The following FHIP1B variants were observed in gnomAD, a reference collection of about 807,000 sequenced individuals.
FHIP1B encodes FHF complex subunit HOOK interacting protein 1B.
In FHIP1B, 28 loss-of-function variants were observed where a neutral mutation model predicts 82.2. That is an observed-to-expected ratio of 0.34 (90% CI 0.25 to 0.47). FHIP1B has a LOEUF of 0.47. Among genes scored for constraint, FHIP1B ranks in the 20% least tolerant of loss-of-function variants. The pLI, the probability that FHIP1B is intolerant of heterozygous loss-of-function variation, is 1.00. For synonymous variants in FHIP1B, 585 were observed against 516.1 expected (o/e 1.13, Z -1.81); for missense variants, 1,110 against 1,262.6 (o/e 0.88, Z 1.83).
At chr11:6,214,970 C>G (rs955132346) in intron 9 of FHIP1B, 59 bp from the exon 10 acceptor site, 1 of 1,423,334 alleles carries the variant, frequency 7.0e-7, no homozygotes, top group Admixed American at 2.6e-5. Context: ...GCACATCGCA[C>G]GCATTCCTCC....
intron 9 of FHIP1B, chr11:6,215,143 C>A (rs1403054960): frequency 5.0e-6 from 2 of 402,998 alleles, no homozygotes; most frequent in Non-Finnish European, 8.8e-6. Flanking sequence ...AGCTGACAAG[C>A]CAGATCTTAG....
chr11:6,223,011 A>T lies in FHIP1B; in HGVS notation c.936+69T>A. On this transcript the variant is annotated intron_variant, in intron 4 of 11. Coordinates refer to ENST00000449352, the MANE Select transcript of FHIP1B (RefSeq NM_001098794.2). The surrounding 1 kb of genome is among the most constrained non-coding windows in gnomAD (Gnocchi z 4.8). ...ACTTCCAAGATGGAAAAATGACAGA[A>T]CTCCAGGGAATATACCCCCTCCTAC... The T allele has an allele frequency of 6.3e-7, 1 of 1,578,324 alleles. No individual in the cohort carries two copies.
At position 6,224,465 on chromosome 11, in the gene FHIP1B, G is replaced by T. The variant is rs548925901; in HGVS notation, c.52C>A (p.Arg18Ser). 2 of 1,614,126 alleles carry T rather than the reference G, an allele frequency of 1.2e-6. No homozygotes were observed. Among genetic ancestry groups the T allele is most frequent in the African/African-American group, 1.3e-5 (1 of 75,040 alleles). Residue 18 changes from arginine to serine, a missense_variant, in exon 2 of 12, where the codon CGT becomes AGT. This residue lies in a region of FHIP1B where 467 missense variants were observed against 602.9 expected (regional missense o/e 0.77). Coordinates refer to ENST00000449352, the MANE Select transcript of FHIP1B (RefSeq NM_001098794.2). ...TGGAGATTGGCCCCTTGAGGTATAC[G>T]GTGCCCAGGGCCCCGGGAGGCCAGT... ...SRLASRGPGHRIPQGANLQTP... is the reference protein window; with the variant it reads ...SRLASRGPGHSIPQGANLQTP...
intron 1 of FHIP1B, among the ~76,000 whole-genome samples, chr11:6,229,966 T>C (rs1394706901): frequency 2.3e-5 from 3 of 129,930 alleles, no homozygotes; most frequent in African/African-American, 6.0e-5. Context: ...TTTCCTCCCA[T>C]AGCAAAGTCC....
chr11:6,217,141 G>A (rs1452392645), intron 9 of FHIP1B: 21 of 703,648 alleles, frequency 3.0e-5, no homozygotes, highest in Non-Finnish European at 5.4e-5. Context: ...TACATACAAG[G>A]CTCAGATGTA....
chr11:6,221,931 A>G (rs1847419064), intron 6 of FHIP1B, among the ~76,000 whole-genome samples: 1 of 152,208 alleles, frequency 6.6e-6, no homozygotes, highest in Non-Finnish European at 1.5e-5. Context: ...CACAGTGAAC[A>G]TTCAGTAAAA....
In FHIP1B at chr11:6,224,468, G is replaced by A; in HGVS notation, c.49C>T (p.His17Tyr). The change falls in exon 2 of 12, where the codon CAC (histidine) becomes TAC (tyrosine). Residue 17 changes from histidine to tyrosine, a missense_variant. Physicochemically the swap from His to Tyr is moderately conservative, Grantham distance 83. Transcript: ENST00000449352. The stretch of plus-strand genomic sequence containing the variant: ...AGATTGGCCCCTTGAGGTATACGGT[G>A]CCCAGGGCCCCGGGAGGCCAGTCTG... Reference protein sequence around the residue: ...LSRLASRGPGHRIPQGANLQT... With the variant: ...LSRLASRGPGYRIPQGANLQT... 1 of 1,614,120 alleles carries A rather than the reference G, an allele frequency of 6.2e-7. No individual in the cohort carries two copies. Among genetic ancestry groups the A allele is most frequent in the Non-Finnish European group, 8.5e-7 (1 of 1,179,998 alleles).
At chr11:6,217,176 C>T (rs1847253215) in intron 9 of FHIP1B, 195 bp downstream of exon 9, 2 of 708,616 alleles carry the variant, frequency 2.8e-6, no homozygotes, top group Non-Finnish European at 2.6e-6. Flanking sequence ...CCAGCACAAG[C>T]ATGGAAGACG....
chr11:6,223,371 C>T lies in FHIP1B; in HGVS notation c.778-133G>A, dbSNP rs1422914592. On this transcript the variant is annotated intron_variant, in intron 3 of 11. Transcript: ENST00000449352. The surrounding 1 kb of genome is among the most constrained non-coding windows in gnomAD (Gnocchi z 4.8). ...TATTACCAAAGCAAGCATTTGCCTA[C>T]CCAATGTGCCTGAAACTCACCTAGA... The T allele has an allele frequency of 1.9e-6, 2 of 1,069,676 alleles. No individual in the cohort carries two copies. The highest frequency in any genetic ancestry group is 3.2e-5 in the African/African-American group (2 of 61,968). The allele number at this position is 1,069,676 out of a possible 1,614,324, so 66.3% of individuals were successfully genotyped here.
At position 6,223,499 on chromosome 11, in the gene FHIP1B, T is replaced by C. The variant is rs111883092; in HGVS notation, c.777+111A>G. ...GGGCTGCTTTCAAATCCAGGAACTGTTTCCTAGGGGAACGGGCCCTGGAAC... is the reference window on the plus strand; with the variant it reads ...GGGCTGCTTTCAAATCCAGGAACTGCTTCCTAGGGGAACGGGCCCTGGAAC... On this transcript the variant is annotated intron_variant, in intron 3 of 11. Coordinates refer to ENST00000449352, the MANE Select transcript of FHIP1B (RefSeq NM_001098794.2). The surrounding 1 kb of genome is among the most constrained non-coding windows in gnomAD (Gnocchi z 4.8). 12 of 1,386,936 alleles carry C rather than the reference T, an allele frequency of 8.7e-6. No individual in the cohort carries two copies. The highest frequency in any genetic ancestry group is 7.2e-5 in the African/African-American group (5 of 69,198). 85.9% of individuals were successfully genotyped at this position (1,386,936 alleles called of 1,614,324 possible). A position where few individuals can be genotyped will look rare whatever the true frequency, so the allele number is the denominator to read the frequency against.
chr11:6,215,988 A>G (rs945055207), intron 9 of FHIP1B, among the ~76,000 whole-genome samples: 5 of 152,214 alleles, frequency 3.3e-5, no homozygotes, highest in African/African-American at 7.2e-5. Flanking sequence ...AAGACGCCCC[A>G]TAATTTTGTC....
rs755782401 is a variant in FHIP1B at position 6,214,554 on chromosome 11, T to C, written c.2414A>G (p.Asn805Ser). 2.3e-5 allele frequency: 37 copies of C among 1,613,396 alleles called. No individual in the cohort carries two copies. The Middle Eastern group carries it at 4.9e-4, about 22-fold the overall frequency. Residue 805 changes from asparagine (N) to serine (S), a missense_variant, in exon 11 of 12, where the codon AAT (asparagine) becomes AGT (serine). Asn to Ser is a conservative substitution (Grantham distance 46, BLOSUM62 1). Around this residue, in one of 6 missense-constraint regions of FHIP1B, gnomAD observed 39 missense variants for 79.6 expected, o/e 0.49. Transcript: ENST00000449352. ...SLLQVLGSVKNKIENFAASQE... is the reference protein window; with the variant it reads ...SLLQVLGSVKSKIENFAASQE... ...GGAAGCCGCAAAGTTCTCAATCTTATTCTTCACAGAGCCCAGCACCTATGA... is the reference window on the plus strand; with the variant it reads ...GGAAGCCGCAAAGTTCTCAATCTTACTCTTCACAGAGCCCAGCACCTATGA...
At position 6,214,520 on chromosome 11, in the gene FHIP1B, GTCC is replaced by G; in HGVS notation, c.2445_2447del (p.Glu815del). 1 of 1,614,122 alleles carries G rather than the reference GTCC, an allele frequency of 6.2e-7. No individual in the cohort carries two copies. The highest frequency in any genetic ancestry group is 8.5e-7 in the Non-Finnish European group (1 of 1,179,966). The stretch of plus-strand genomic sequence containing the variant: ...TGGCTTTGGACAGCAGTGCTGGGAA[GTCC>G]TCCTGGGAAGCCGCAAAGTTCTCAA... On this transcript the variant is annotated inframe_deletion, in exon 11 of 12. Transcript: ENST00000449352.
intron 9 of FHIP1B, 180 bp downstream of exon 9, chr11:6,217,187 TACAG>T (rs753263090): frequency 2.9e-5 from 21 of 713,600 alleles, no homozygotes; most frequent in South Asian, 2.8e-4. Flanking sequence ...ATGGAAGACG[TACAG>T]ACAGACACAG....
In FHIP1B at chr11:6,218,619, C is replaced by A; in HGVS notation, c.1416G>T (p.Glu472Asp). ...RHHAPSPPRPEHASWARGPGS... is the reference protein window; with the variant it reads ...RHHAPSPPRPDHASWARGPGS... ...GCCCACCTCGTGCCCATGAGGCATG[C>A]TCTGGACGAGGTGGGCTGGGGGCGT... Residue 472 changes from glutamate to aspartate, a missense_variant, in exon 8 of 12, where the codon GAG (glutamate) becomes GAT (aspartate). Glu to Asp is a conservative substitution (Grantham distance 45). Transcript: ENST00000449352. The A allele has an allele frequency of 1.2e-6, 2 of 1,614,144 alleles. No individual in the cohort carries two copies. The highest frequency in any genetic ancestry group is 8.5e-7 in the Non-Finnish European group (1 of 1,180,032).
At chr11:6,222,632 C>T in intron 5 of FHIP1B, 23 bp from the exon 6 acceptor site, 1 of 1,612,492 alleles carries the variant, frequency 6.2e-7, no homozygotes, top group African/African-American at 1.3e-5. Flanking sequence ...AAGGGAAAGT[C>T]TGGAAATGCA....
chr11:6,220,621 A>G (rs949598601), intron 6 of FHIP1B, among the ~76,000 whole-genome samples: 2 of 152,208 alleles, frequency 1.3e-5, no homozygotes, highest in Non-Finnish European at 2.9e-5. Context: ...CATGTTTAAC[A>G]CGGGCATCCT....
At chr11:6,222,994 G>C in intron 4 of FHIP1B, 86 bp downstream of exon 4, 1 of 1,577,586 alleles carries the variant, frequency 6.3e-7, no homozygotes, top group Non-Finnish European at 8.7e-7. Flanking sequence ...CTACTTCCAA[G>C]ATGGAAAAAT....
chr11:6,231,469 CTTTTT>C (rs1167717523), intron 1 of FHIP1B, among the ~76,000 whole-genome samples: 3 of 125,322 alleles, frequency 2.4e-5, no homozygotes, highest in Admixed American at 8.4e-5. Context: ...GATATATTTT[CTTTTT>C]TTTTTTTTTT....
Sources: gnomAD v4.1 joint callset for allele counts (sites outside exome capture counted in the v4.1 genomes callset) on GRCh38, gnomAD v4.1.1 for gene constraint, gnomAD v4.1.1 regional missense constraint, Gnocchi (gnomAD v3.1) non-coding constraint, MANE v1.5 for transcripts, NCBI Gene and HGNC (gene_info 2026-07-23, HGNC 2026-07-21) for gene names.